Variants in MOBP observed in about 807,000 individuals in gnomAD.
MOBP encodes the protein myelin associated oligodendrocyte basic protein, also known as myelin-associated oligodendrocyte basic protein.
Under a neutral mutation model 15.0 loss-of-function variants are expected in MOBP, and 5 were observed. That is an observed-to-expected ratio of 0.33 (90% CI 0.17 to 0.70). The LOEUF (loss-of-function observed/expected upper bound fraction) is 0.70, where lower values mean the gene tolerates loss of function less well. Ranked by LOEUF, MOBP falls within the 30% of genes least tolerant of loss-of-function variation. The pLI, the probability that MOBP is intolerant of heterozygous loss-of-function variation, is 0.67. For synonymous variants in MOBP, 88 were observed against 99.0 expected (o/e 0.89, Z 0.66); for missense variants, 188 against 257.8 (o/e 0.73, Z 1.85).
At chr3:39,468,796 A>ACC (rs35004825) in intron 1 of MOBP, among the ~76,000 whole-genome samples, 2 of 15,654 alleles carry the variant, frequency 1.3e-4, no homozygotes, top group African/African-American at 1.2e-3. Flanking sequence ...ATGTGTGTGT[A>ACC]TATATACATA....
intron 2 of MOBP, among the ~76,000 whole-genome samples, chr3:39,488,433 T>C (rs2042747333): frequency 6.6e-6 from 1 of 152,194 alleles, no homozygotes; most frequent in Non-Finnish European, 1.5e-5. Flanking sequence ...GGAGACATCC[T>C]GGATGTCTGT....
downstream of MOBP, chr3:39,526,773 CTTTTTTTTT>C (rs5848517): frequency 1.8e-5 from 2 of 108,950 alleles, no homozygotes; most frequent in Admixed American, 1.1e-4. Context: ...TCCTTCCTTC[CTTTTTTTTT>C]TTTTTTTTTT....
chr3:39,498,080 C>T (rs1409968557), intron 2 of MOBP, among the ~76,000 whole-genome samples: 1 of 152,210 alleles, frequency 6.6e-6, no homozygotes, highest in African/African-American at 2.4e-5. Flanking sequence ...TTAGGTGGAA[C>T]TTAAAATATG....
At chr3:39,474,508 A>G (rs1457304396) in intron 1 of MOBP, among the ~76,000 whole-genome samples, 1 of 152,234 alleles carries the variant, frequency 6.6e-6, no homozygotes, top group Non-Finnish European at 1.5e-5. Context: ...AAGATACAGT[A>G]AAAATACAAC....
At chr3:39,508,311 A>G (rs560176129) in intron 4 of MOBP, among the ~76,000 whole-genome samples, 1 of 152,320 alleles carries the variant, frequency 6.6e-6, no homozygotes, top group East Asian at 1.9e-4. Flanking sequence ...ATACATTTCT[A>G]CGCACATAGT....
chr3:39,516,412 A>G (rs2043203232), downstream of MOBP, among the ~76,000 whole-genome samples: 1 of 152,150 alleles, frequency 6.6e-6, no homozygotes, highest in Non-Finnish European at 1.5e-5. Flanking sequence ...GTGCCTTTTC[A>G]CTGGAAAAGA....
chr3:39,487,890 C>T (rs1278036347), intron 2 of MOBP, among the ~76,000 whole-genome samples: 1 of 152,102 alleles, frequency 6.6e-6, no homozygotes, highest in Non-Finnish European at 1.5e-5. Context: ...TCACATGCCA[C>T]AAAAGACTGT....
intron 3 of MOBP, among the ~76,000 whole-genome samples, chr3:39,522,473 T>A (rs756105312): frequency 1.3e-5 from 2 of 152,198 alleles, no homozygotes; most frequent in Non-Finnish European, 2.9e-5. Flanking sequence ...TATGGACAAC[T>A]GTTGTTTTCT....
intron 3 of MOBP, among the ~76,000 whole-genome samples, chr3:39,523,976 C>A (rs1334198790): frequency 6.6e-6 from 1 of 152,132 alleles, no homozygotes; most frequent in African/African-American, 2.4e-5. Context: ...CCTGCAGCAT[C>A]CTGATGGCTA....
chr3:39,475,571 A>C (rs538599924), intron 1 of MOBP, among the ~76,000 whole-genome samples: 51 of 152,328 alleles, frequency 3.3e-4, no homozygotes, highest in African/African-American at 1.2e-3. Context: ...AAGGAAGATT[A>C]TCTCTTCTAC....
rs1025342272 is a variant in MOBP at position 39,469,746 on chromosome 3, C to G, written c.-89+2006C>G. ...TACATATCCAAATTCATACTTGAAT[C>G]TGAGTATACAATTTTTAAATTCAAG... On this transcript the variant is annotated intron_variant, in intron 1 of 3. Transcript: ENST00000684792. Among the ~76,000 whole-genome samples, 136 of 152,328 alleles carry G rather than the reference C, an allele frequency of 8.9e-4. 1 individual carries two copies. The highest frequency in any genetic ancestry group is 3.1e-3 in the African/African-American group (130 of 41,566).
intron 4 of MOBP, among the ~76,000 whole-genome samples, chr3:39,510,251 T>C (rs929993669): frequency 1.3e-5 from 2 of 152,136 alleles, no homozygotes; most frequent in African/African-American, 4.8e-5. Flanking sequence ...TGAAATCAGT[T>C]AGTGTGAATT....
intron 2 of MOBP, among the ~76,000 whole-genome samples, chr3:39,499,706 C>T (rs1708053): frequency 0.28 from 41,854 of 151,850 alleles, 6,883 homozygotes; most frequent in African/African-American, 0.46. Context: ...TCTACTTCGA[C>T]CTCTGATTAG....
intron 2 of MOBP, among the ~76,000 whole-genome samples, chr3:39,491,965 G>A (rs906605793): frequency 6.6e-6 from 1 of 152,144 alleles, no homozygotes; most frequent in African/African-American, 2.4e-5. Context: ...AGTGTAGTGG[G>A]GGCCCTGCAA....
intron 1 of MOBP, among the ~76,000 whole-genome samples, chr3:39,476,370 C>CTT (rs2042545729): frequency 6.6e-6 from 1 of 152,168 alleles, no homozygotes; most frequent in South Asian, 2.1e-4. Context: ...TCTTCTAAAG[C>CTT]TTCTCATCAG....
chr3:39,485,595 A>G (rs1463024783), intron 2 of MOBP, among the ~76,000 whole-genome samples: 1 of 152,204 alleles, frequency 6.6e-6, no homozygotes, highest in Non-Finnish European at 1.5e-5. Context: ...ATTCCAAAAT[A>G]GCTCTTGTAG....
At position 39,502,846 on chromosome 3, in the gene MOBP, G is replaced by A; in HGVS notation, c.518G>A (p.Gly173Glu). The A allele has an allele frequency of 6.7e-7, 1 of 1,481,628 alleles. No individual in the cohort carries two copies. The highest frequency in any genetic ancestry group is 9.0e-7 in the Non-Finnish European group (1 of 1,106,568). The allele number at this position is 1,481,628 out of a possible 1,614,324, so 91.8% of individuals were successfully genotyped here. ...SPLRGPGASR[G>E]GSPVKASRFW is the part of the protein sequence containing the mutation. ...CTCAGAGGGCCAGGCGCCAGCCGTG[G>A]GGGGTCCCCCGTCAAAGCTTCTAGG... Residue 173 changes from glycine to glutamate, a missense_variant, in exon 4 of 4, where the codon GGG becomes GAG. Gly to Glu is a moderately conservative substitution (Grantham distance 98). Around this residue, in one of 2 missense-constraint regions of MOBP, gnomAD observed 55 missense variants for 45.2 expected, o/e 1.22. Coordinates refer to ENST00000684792, the MANE Select transcript of MOBP (RefSeq NM_001393704.1). The surrounding 1 kb of genome is among the most constrained non-coding windows in gnomAD (Gnocchi z 6.3).
At position 39,471,365 on chromosome 3, in the gene MOBP, G is replaced by A. The variant is rs541402003; in HGVS notation, c.-89+3625G>A. Reference sequence around the variant, plus strand: ...AGGATGGTCTCAATCTCCTGACCTCGTGATCTGCCTGCCTCAGCCTCTCAA... The same window carrying A: ...AGGATGGTCTCAATCTCCTGACCTCATGATCTGCCTGCCTCAGCCTCTCAA... On this transcript the variant is annotated intron_variant, in intron 1 of 3. Transcript: ENST00000684792. Among the ~76,000 whole-genome samples, 17 of 152,144 alleles carry A rather than the reference G, an allele frequency of 1.1e-4. No individual in the cohort carries two copies. The East Asian group carries it at 3.1e-3, about 28-fold the overall frequency.
chr3:39,498,173 C>T (rs1184869932), intron 2 of MOBP, among the ~76,000 whole-genome samples: 1 of 152,120 alleles, frequency 6.6e-6, no homozygotes, highest in Non-Finnish European at 1.5e-5. Context: ...TGTTATAAAA[C>T]GATGACTCTG....
Sources: allele counts gnomAD v4.1 joint callset (sites outside exome capture counted in the v4.1 genomes callset), GRCh38; gene constraint gnomAD v4.1.1; regional missense constraint gnomAD v4.1.1; non-coding constraint Gnocchi (gnomAD v3.1); transcripts MANE v1.5; gene names NCBI Gene and HGNC (gene_info 2026-07-23, HGNC 2026-07-21).